The following NUMA1 variants were observed in gnomAD, a reference collection of about 807,000 sequenced individuals.
NUMA1 encodes the protein nuclear mitotic apparatus protein 1.
In NUMA1, 62 loss-of-function variants were observed where a neutral mutation model predicts 237.1. The ratio of observed to expected loss-of-function variants is 0.26; its 90% confidence interval spans 0.21 to 0.32. The LOEUF is 0.32. Ranked by LOEUF, NUMA1 falls within the 10% of genes least tolerant of loss-of-function variation. The probability of loss-of-function intolerance (pLI) is 1.00; values close to 1 mark genes in which losing one functional copy is unlikely to be tolerated. For synonymous variants in NUMA1, 1,028 were observed against 1,066.1 expected, an observed-to-expected ratio of 0.96 and a Z score of 0.70; for missense variants, 2,533 against 2,666.5, an observed-to-expected ratio of 0.95 and a Z score of 1.10.
rs1956307427 is a variant in NUMA1 at position 72,013,740 on chromosome 11, C to T, written c.3763G>A (p.Val1255Met). The change falls in exon 15 of 27, where the codon GTG becomes ATG. Residue 1255 changes from valine (V) to methionine (M), a missense_variant. By Grantham distance (21) the Val-to-Met change is conservative (BLOSUM62 1). Coordinates refer to ENST00000393695, the MANE Select transcript of NUMA1 (RefSeq NM_006185.4). The surrounding 1 kb of genome is among the most constrained non-coding windows in gnomAD (Gnocchi z 6.8). ...TGGCTCTTCTCTGACTCGGCCATCACCAGCCGCTTCAACTCCTTGCTCTCC... is the reference window on the plus strand; with the variant it reads ...TGGCTCTTCTCTGACTCGGCCATCATCAGCCGCTTCAACTCCTTGCTCTCC... Reference protein sequence around the residue: ...EGESKELKRLVMAESEKSQKL... With the variant: ...EGESKELKRLMMAESEKSQKL... The T allele has an allele frequency of 6.2e-7, 1 of 1,610,006 alleles. No individual in the cohort carries two copies. The highest frequency in any genetic ancestry group is 1.3e-5 in the African/African-American group (1 of 74,932).
At chr11:72,069,819 G>C (rs1943366602) in intron 2 of NUMA1, 23 bp downstream of exon 2, 1 of 152,150 alleles carries the variant, frequency 6.6e-6, no homozygotes, top group South Asian at 2.1e-4. Context: ...AAAAACTAGA[G>C]GGCAGAAACC....
At chr11:72,018,719 T>C (rs1938284426) in intron 10 of NUMA1, 104 bp downstream of exon 10, 1 of 1,392,492 alleles carries the variant, frequency 7.2e-7, no homozygotes, top group Admixed American at 2.0e-5. Flanking sequence ...GGCCCAGGGC[T>C]GAGCTCTCAG....
rs1478131994 is a variant in NUMA1 at position 72,080,485 on chromosome 11, C to G, written c.-130G>C. 1 of 152,118 alleles carries G rather than the reference C, an allele frequency of 6.6e-6. No individual in the cohort carries two copies. Among genetic ancestry groups the G allele is most frequent in the Non-Finnish European group, 1.5e-5 (1 of 68,022 alleles). The allele number at this position is 152,118 out of a possible 1,614,324, so 9.4% of individuals were successfully genotyped here. A position where few individuals can be genotyped will look rare whatever the true frequency, so the allele number is the denominator to read the frequency against. The stretch of plus-strand genomic sequence containing the variant: ...GGCTGCGCGCTCCCGCTCTGCCTCG[C>G]GATTCTCCGGAATCGTACCTCTTCG... On this transcript the variant is annotated 5_prime_UTR_variant, in exon 1 of 27. Coordinates refer to ENST00000393695, the MANE Select transcript of NUMA1 (RefSeq NM_006185.4).
Position 72,019,547 on chromosome 11 carries a change from C to T in NUMA1, c.531G>A (p.Arg177=), listed in dbSNP as rs1205915995. 1.9e-6 allele frequency: 3 copies of T among 1,613,878 alleles called. No individual in the cohort carries two copies. Among genetic ancestry groups the T allele is most frequent in the Admixed American group, 3.3e-5 (2 of 60,004 alleles). ...TCTGTAGCTCTAGGAAGCGAATCTC[C>T]CTCTTGGCCTGGTGGCTAGGTGGGG... ...ELSPPSHQAK[R]EIRFLELQKV... is the part of the protein sequence containing the mutation. Residue 177 remains arginine (R), a synonymous_variant, in exon 9 of 27, where the codon AGG becomes AGA. Transcript: ENST00000393695.
chr11:72,005,194 C>A, intron 23 of NUMA1, 39 bp downstream of exon 23: 1 of 1,533,514 alleles, frequency 6.5e-7, no homozygotes, highest in Non-Finnish European at 8.7e-7. Context: ...CAAGGGAGGG[C>A]AGGGATGGGA....
At chr11:72,032,154 C>T (rs1392572558) in intron 3 of NUMA1, among the ~76,000 whole-genome samples, 2 of 151,848 alleles carry the variant, frequency 1.3e-5, no homozygotes, top group African/African-American at 4.8e-5. Context: ...GAGCAAGACC[C>T]TATCTCAAAA....
intron 26 of NUMA1, 169 bp from the exon 27 acceptor site, chr11:72,003,707 T>C: frequency 9.9e-7 from 1 of 1,011,192 alleles, no homozygotes; most frequent in Non-Finnish European, 1.5e-6. Context: ...GTGCTCTCCA[T>C]GAGAATGGGG....
intron 2 of NUMA1, chr11:72,050,618 A>G (rs1370525252): frequency 6.6e-6 from 1 of 152,228 alleles, no homozygotes; most frequent in African/African-American, 2.4e-5. Context: ...GGTTTATTCC[A>G]ATTTTATAAA....
chr11:72,022,111 A>G (rs995056186), intron 7 of NUMA1: 5 of 422,864 alleles, frequency 1.2e-5, no homozygotes, highest in Non-Finnish European at 2.1e-5. Context: ...AAAGGACTTG[A>G]AAGTACATCC....
intron 16 of NUMA1, 28 bp from the exon 17 acceptor site, chr11:72,010,882 C>A (rs749240356): frequency 6.3e-7 from 1 of 1,597,426 alleles, no homozygotes; most frequent in Non-Finnish European, 8.6e-7. Flanking sequence ...GGACAGAAGA[C>A]TCAGGAGGAC....
At chr11:72,004,402 G>A in intron 24 of NUMA1, 61 bp from the exon 25 acceptor site, 1 of 1,478,154 alleles carries the variant, frequency 6.8e-7, no homozygotes. Context: ...GAAGCCAGGT[G>A]TCTTGTCCTC....
In NUMA1 at chr11:72,006,175, G is replaced by A; in HGVS notation, c.5552C>T (p.Thr1851Ile). 1 of 1,614,180 alleles carries A rather than the reference G, an allele frequency of 6.2e-7. No homozygotes were observed. The highest frequency in any genetic ancestry group is 1.7e-5 in the Admixed American group (1 of 60,034). ...APASQASLRA[T>I]SSTQSLARLG... Reference sequence around the variant, plus strand: ...GCGAGCTAGAGACTGAGTAGAGGAGGTGGCTCGCAGGCTAGCCTGGGAAGC... The same window carrying A: ...GCGAGCTAGAGACTGAGTAGAGGAGATGGCTCGCAGGCTAGCCTGGGAAGC... The change falls in exon 22 of 27, where the codon ACC becomes ATC. Residue 1851 changes from threonine (T) to isoleucine (I), a missense_variant. Thr to Ile is a moderately conservative substitution (Grantham distance 89, BLOSUM62 -1). This residue lies in a region of NUMA1 where 795 missense variants were observed against 750.8 expected (regional missense o/e 1.06). Coordinates refer to ENST00000393695, the MANE Select transcript of NUMA1 (RefSeq NM_006185.4).
intron 2 of NUMA1, among the ~76,000 whole-genome samples, chr11:72,062,121 C>T (rs1942976561): frequency 6.6e-6 from 1 of 152,164 alleles, no homozygotes; most frequent in Non-Finnish European, 1.5e-5. Context: ...TGAAAGAAGT[C>T]ATTTCTCCAG....
At chr11:72,005,972 C>T (rs1243892594) in intron 22 of NUMA1, 63 bp downstream of exon 22, 3 of 1,346,312 alleles carry the variant, frequency 2.2e-6, no homozygotes, top group Admixed American at 4.1e-5. Context: ...CCTCTTTTCC[C>T]TGTGCCACGA....
Position 72,057,844 on chromosome 11 carries a change from T to G in NUMA1, c.-33+11998A>C, listed in dbSNP as rs1591058683. Among the ~76,000 whole-genome samples the G allele has an allele frequency of 4.0e-5, 6 of 149,890 alleles. No homozygotes were observed. In the South Asian group the frequency reaches 8.5e-4, roughly 21 times the overall value. ...CAGCACTTTGGGAGGCTGAGGCAGG[T>G]GGATCGCCTGAGGGCAGGAGTTTGA... On this transcript the variant is annotated intron_variant, in intron 2 of 26. Transcript: ENST00000393695.
chr11:72,024,252 G>A (rs1375473290), intron 5 of NUMA1, 22 bp downstream of exon 5: 6 of 1,609,788 alleles, frequency 3.7e-6, no homozygotes, highest in Non-Finnish European at 5.1e-6. Flanking sequence ...CTTCTTCATA[G>A]CTGGATAAGA....
At position 72,016,404 on chromosome 11, in the gene NUMA1, C is replaced by A; in HGVS notation, c.1242+4G>T. 1 of 1,613,568 alleles carries A rather than the reference C, an allele frequency of 6.2e-7. No homozygotes were observed. The highest frequency in any genetic ancestry group is 8.5e-7 in the Non-Finnish European group (1 of 1,179,832). On this transcript the variant is annotated splice_donor_region_variant and intron_variant, in intron 14 of 26. Coordinates refer to ENST00000393695, the MANE Select transcript of NUMA1 (RefSeq NM_006185.4). Reference sequence around the variant, plus strand: ...AGCACACAGGTCTTTCTGTGCATTCCTACCTGCAAGACATCACCCAGCACC... The same window carrying A: ...AGCACACAGGTCTTTCTGTGCATTCATACCTGCAAGACATCACCCAGCACC...
At chr11:72,032,987 A>AT (rs34107222) in intron 3 of NUMA1, among the ~76,000 whole-genome samples, 68 of 151,968 alleles carry the variant, frequency 4.5e-4, no homozygotes, top group Non-Finnish European at 7.4e-4. Context: ...TTTCTAGGTA[A>AT]TTTTTTTTAA....
intron 3 of NUMA1, among the ~76,000 whole-genome samples, chr11:72,031,972 TAAA>T (rs34502837): frequency 1.9e-4 from 13 of 67,726 alleles, no homozygotes; most frequent in African/African-American, 4.7e-4. Context: ...CCCAAAAAAT[TAAA>T]AAAAAAAAAA....
Sources: gnomAD v4.1 joint callset for allele counts (sites outside exome capture counted in the v4.1 genomes callset) on GRCh38, gnomAD v4.1.1 for gene constraint, gnomAD v4.1.1 regional missense constraint, Gnocchi (gnomAD v3.1) non-coding constraint, MANE v1.5 for transcripts, NCBI Gene and HGNC (gene_info 2026-07-23, HGNC 2026-07-21) for gene names.